Variants in SPMIP7 observed in about 807,000 individuals in gnomAD.
SPMIP7 encodes the protein protein SPMIP7.
the SPMIP7 span, among the ~76,000 whole-genome samples, chr7:50,111,179 T>C: frequency 5.3e-5 from 8 of 151,022 alleles, no homozygotes; most frequent in African/African-American, 1.7e-4. Context: ...CCGAGATTTG[T>C]TGTCCCTTGG....
chr7:50,149,349 A>G, the SPMIP7 span, among the ~76,000 whole-genome samples: 89 of 152,358 alleles, frequency 5.8e-4, no homozygotes, highest in African/African-American at 2.0e-3. Flanking sequence ...AACTGAAATT[A>G]GTTTAGCATC....
the SPMIP7 span, among the ~76,000 whole-genome samples, chr7:50,120,556 C>T: frequency 6.6e-6 from 1 of 152,122 alleles, no homozygotes; most frequent in Non-Finnish European, 1.5e-5. Flanking sequence ...CTACAGAAAG[C>T]TTAATTTAAA....
At chr7:50,125,329 C>CAT in the SPMIP7 span, among the ~76,000 whole-genome samples, 1 of 145,354 alleles carries the variant, frequency 6.9e-6, no homozygotes, top group Admixed American at 7.0e-5. Context: ...CATATATACA[C>CAT]ATATATATAC....
chr7:50,125,405 T>TATACATATACACACATATATATATAC, the SPMIP7 span, among the ~76,000 whole-genome samples: 4 of 147,560 alleles, frequency 2.7e-5, no homozygotes, highest in African/African-American at 7.4e-5. Flanking sequence ...TATACATATA[T>TATACATATACACACATATATATATAC]ATATAAAGAA....
At chr7:50,129,586 G>A in the SPMIP7 span, 5 of 653,222 alleles carry the variant, frequency 7.7e-6, no homozygotes, top group Non-Finnish European at 8.0e-6. Flanking sequence ...ATTAAATCTG[G>A]TCAATCCAAG....
chr7:50,112,723 T>G, the SPMIP7 span, among the ~76,000 whole-genome samples: 1 of 152,104 alleles, frequency 6.6e-6, no homozygotes, highest in South Asian at 2.1e-4. Flanking sequence ...TACACCAGCT[T>G]GCTTCCTGGG....
the SPMIP7 span, among the ~76,000 whole-genome samples, chr7:50,098,313 T>C: frequency 6.6e-6 from 1 of 152,174 alleles, no homozygotes; most frequent in Non-Finnish European, 1.5e-5. Flanking sequence ...AATTAACAAT[T>C]CTAAACTTAT....
the SPMIP7 span, among the ~76,000 whole-genome samples, chr7:50,143,541 T>C: frequency 6.6e-6 from 1 of 152,204 alleles, no homozygotes; most frequent in Non-Finnish European, 1.5e-5. Context: ...GAATCACCAA[T>C]TTTTCTACAG....
the SPMIP7 span, among the ~76,000 whole-genome samples, chr7:50,150,226 C>T: frequency 6.6e-6 from 1 of 152,176 alleles, no homozygotes; most frequent in Non-Finnish European, 1.5e-5. Flanking sequence ...CTCCACCACC[C>T]ACAGAGGTTT....
At chr7:50,119,570 G>A in the SPMIP7 span, among the ~76,000 whole-genome samples, 2 of 152,114 alleles carry the variant, frequency 1.3e-5, no homozygotes, top group Non-Finnish European at 2.9e-5. Context: ...TTCCACTAAT[G>A]CCACTGCCTG....
the SPMIP7 span, chr7:50,135,959 CA>C: frequency 3.3e-6 from 2 of 601,316 alleles, no homozygotes; most frequent in Non-Finnish European, 6.1e-6. Context: ...GAAGTGCTAG[CA>C]AAGCTTGGAG....
At chr7:50,151,400 A>G in the SPMIP7 span, 31 of 1,354,260 alleles carry the variant, frequency 2.3e-5, no homozygotes, top group East Asian at 7.8e-4. Flanking sequence ...AATTTCACAA[A>G]TCATCATTTT....
the SPMIP7 span, among the ~76,000 whole-genome samples, chr7:50,149,862 G>C: frequency 1.3e-5 from 2 of 152,182 alleles, no homozygotes; most frequent in Non-Finnish European, 2.9e-5. Context: ...AGAAATTGCA[G>C]TGTGAATCCT....
chr7:50,101,925 C>A, the SPMIP7 span, among the ~76,000 whole-genome samples: 118,995 of 152,112 alleles, frequency 0.78, 46,615 homozygotes, highest in East Asian at 0.88. Context: ...TAAATTGACA[C>A]AAACTTTCCA....
At chr7:50,118,663 G>T in the SPMIP7 span, among the ~76,000 whole-genome samples, 1 of 152,178 alleles carries the variant, frequency 6.6e-6, no homozygotes, top group Non-Finnish European at 1.5e-5. Flanking sequence ...GGACAATTTA[G>T]AAACAGTCGA....
chr7:50,117,891 AC>A, the SPMIP7 span, among the ~76,000 whole-genome samples: 2 of 151,798 alleles, frequency 1.3e-5, no homozygotes, highest in Non-Finnish European at 2.9e-5. Flanking sequence ...AAAGAGGGGG[AC>A]CCCCCATTAA....
At chr7:50,141,281 T>G in the SPMIP7 span, 1 of 1,540,154 alleles carries the variant, frequency 6.5e-7, no homozygotes, top group Non-Finnish European at 8.8e-7. Context: ...ATTCTAACAG[T>G]GGTCATGTGC....
At chr7:50,149,196 GC>G in the SPMIP7 span, among the ~76,000 whole-genome samples, 6 of 151,868 alleles carry the variant, frequency 4.0e-5, no homozygotes, top group Non-Finnish European at 8.8e-5. Flanking sequence ...CTTTCAAGAT[GC>G]CTCTGAGATG....
the SPMIP7 span, among the ~76,000 whole-genome samples, chr7:50,148,814 T>C: frequency 6.6e-6 from 1 of 152,106 alleles, no homozygotes; most frequent in Non-Finnish European, 1.5e-5. Context: ...CTGTCAAAAG[T>C]CCCAGTGCTC....
Sources: gnomAD v4.1 joint callset for allele counts (sites outside exome capture counted in the v4.1 genomes callset) on GRCh38, gnomAD v4.1.1 for gene constraint, MANE v1.5 for transcripts, NCBI Gene and HGNC (gene_info 2026-07-23, HGNC 2026-07-21) for gene names.